Variants in UGT2B10 observed in about 807,000 individuals in gnomAD.
UGT2B10 encodes the protein UDP-glucuronosyltransferase 2B10.
In UGT2B10, 51 loss-of-function variants were observed where a neutral mutation model predicts 43.7. That is an observed-to-expected ratio of 1.17 (90% confidence interval 0.93 to 1.47). UGT2B10 has a LOEUF of 1.47. Ranked by LOEUF, UGT2B10 falls within the 40% of genes most tolerant of loss-of-function variation. UGT2B10 has a pLI of 0.00. For synonymous variants in UGT2B10, 225 were observed against 209.0 expected (o/e 1.08, Z -0.66); for missense variants, 696 against 617.7 (o/e 1.13, Z -1.34).
At chr4:68,825,474 A>G (rs1354491509) in intron 3 of UGT2B10, among the ~76,000 whole-genome samples, 1 of 151,916 alleles carries the variant, frequency 6.6e-6, no homozygotes, top group East Asian at 1.9e-4. Context: ...ATTTTTCCTG[A>G]TCCTCTCTTT....
chr4:68,827,576 T>A, intron 5 of UGT2B10, 28 bp downstream of exon 5: 1 of 1,612,566 alleles, frequency 6.2e-7, no homozygotes, highest in Non-Finnish European at 8.5e-7. Flanking sequence ...TTTCACTAGA[T>A]GGTATTAATA....
rs529540497 is a variant in UGT2B10 at position 68,830,911 on chromosome 4, A to G, written c.*32A>G. The stretch of plus-strand genomic sequence containing the variant: ...CTGAGATTTGAAGCTGGAAAACCTG[A>G]TAGATAGGAATACTTCAGTTGATTC... On this transcript the variant is annotated 3_prime_UTR_variant, in exon 6 of 6. Coordinates refer to ENST00000265403, the MANE Select transcript of UGT2B10 (RefSeq NM_001075.6). 32 of 1,600,496 alleles carry G rather than the reference A, an allele frequency of 2.0e-5. No individual in the cohort carries two copies. In the South Asian group the frequency reaches 3.5e-4, roughly 17 times the overall value.
At chr4:68,822,744 C>T (rs1737573838) in intron 3 of UGT2B10, among the ~76,000 whole-genome samples, 1 of 152,092 alleles carries the variant, frequency 6.6e-6, no homozygotes, top group African/African-American at 2.4e-5. Flanking sequence ...GAATTTAACT[C>T]AATATATTTC....
chr4:68,829,418 A>G (rs987429188), intron 5 of UGT2B10, among the ~76,000 whole-genome samples: 5 of 152,084 alleles, frequency 3.3e-5, no homozygotes, highest in African/African-American at 1.2e-4. Context: ...TTTTTGCCTC[A>G]AGATAATGTT....
chr4:68,819,447 T>C (rs1401724611), intron 2 of UGT2B10, among the ~76,000 whole-genome samples: 1 of 152,016 alleles, frequency 6.6e-6, no homozygotes, highest in Non-Finnish European at 1.5e-5. Context: ...TCTTCACCAG[T>C]ATTCCAGCTT....
chr4:68,827,211 A>C, intron 4 of UGT2B10, 118 bp from the exon 5 acceptor site: 1 of 1,524,128 alleles, frequency 6.6e-7, no homozygotes, highest in Non-Finnish European at 8.9e-7. Flanking sequence ...GAAATCTGAA[A>C]AGTAATAGCA....
At chr4:68,819,709 C>A (rs1224437140) in intron 2 of UGT2B10, among the ~76,000 whole-genome samples, 1 of 151,890 alleles carries the variant, frequency 6.6e-6, no homozygotes, top group Non-Finnish European at 1.5e-5. Context: ...ATGAACAATG[C>A]ATGTATAATA....
chr4:68,816,530 C>G lies in UGT2B10; in HGVS notation c.511C>G (p.His171Asp). 1.9e-6 allele frequency: 3 copies of G among 1,613,168 alleles called. No individual in the cohort carries two copies. The South Asian group carries it at 3.3e-5, about 18-fold the overall frequency. Residue 171 changes from histidine (H) to aspartate (D), a missense_variant, in exon 1 of 6, where the codon CAC becomes GAC. By Grantham distance (81) the His-to-Asp change is moderately conservative. Transcript: ENST00000265403. The part of the protein sequence containing the change: ...ELFNIPFVYS[H>D]SFSPGYSFER... Reference sequence around the variant, plus strand: ...ATTTAACATACCCTTTGTGTACAGTCACAGCTTCAGTCCTGGCTACTCATT... The same window carrying G: ...ATTTAACATACCCTTTGTGTACAGTGACAGCTTCAGTCCTGGCTACTCATT...
rs1201188777 is a variant in UGT2B10 at position 68,830,686 on chromosome 4, T to C, written c.1394T>C (p.Phe465Ser). The C allele has an allele frequency of 1.2e-5, 19 of 1,613,268 alleles. No individual in the cohort carries two copies. Among genetic ancestry groups the C allele is most frequent in the Middle Eastern group, 1.6e-4 (1 of 6,070 alleles). ...GATCGAGCAGTCTTCTGGATTGAAT[T>C]TGTCATGCGCCACAAAGGAGCCAAA... ...PLDRAVFWIEFVMRHKGAKHL... is the reference protein window; with the variant it reads ...PLDRAVFWIESVMRHKGAKHL... The change falls in exon 6 of 6, where the codon TTT (phenylalanine) becomes TCT (serine). Residue 465 changes from phenylalanine to serine, a missense_variant. By Grantham distance (155) the Phe-to-Ser change is radical. Transcript: ENST00000265403.
At chr4:68,827,142 G>T (rs888710501) in intron 4 of UGT2B10, among the ~76,000 whole-genome samples, 187 bp from the exon 5 acceptor site, 1 of 151,570 alleles carries the variant, frequency 6.6e-6, no homozygotes, top group Admixed American at 6.6e-5. Flanking sequence ...GCAGTCTGAA[G>T]TCACACCACC....
intron 2 of UGT2B10, among the ~76,000 whole-genome samples, chr4:68,819,763 A>G (rs1737400631): frequency 6.6e-6 from 1 of 152,000 alleles, no homozygotes; most frequent in Non-Finnish European, 1.5e-5. Context: ...TAGTGCCCTT[A>G]ATTTCAATAC....
chr4:68,818,095 A>G lies in UGT2B10; in HGVS notation c.785A>G (p.Asn262Ser), dbSNP rs1737307219. Residue 262 changes from asparagine to serine, a missense_variant, in exon 2 of 6, where the codon AAT becomes AGT. Coordinates refer to ENST00000265403, the MANE Select transcript of UGT2B10 (RefSeq NM_001075.6). Reference protein sequence around the residue: ...ADIWLMRNSWNFKFPHPFLPN... With the variant: ...ADIWLMRNSWSFKFPHPFLPN... Reference sequence around the variant, plus strand: ...ATATGGCTTATGCGAAACTCCTGGAATTTTAAATTTCCTCATCCATTCTTA... The same window carrying G: ...ATATGGCTTATGCGAAACTCCTGGAGTTTTAAATTTCCTCATCCATTCTTA... 6.2e-7 allele frequency: 1 copy of G among 1,612,008 alleles called. No individual in the cohort carries two copies. The highest frequency in any genetic ancestry group is 8.5e-7 in the Non-Finnish European group (1 of 1,178,630).
At position 68,819,746 on chromosome 4, in the gene UGT2B10, T is replaced by G. The variant is rs1489220393; in HGVS notation, c.867+1569T>G. Among the ~76,000 whole-genome samples the G allele has an allele frequency of 3.3e-5, 5 of 152,110 alleles. No homozygotes were observed. In the East Asian group the frequency reaches 5.8e-4, roughly 18 times the overall value. On this transcript the variant is annotated intron_variant, in intron 2 of 5. Coordinates refer to ENST00000265403, the MANE Select transcript of UGT2B10 (RefSeq NM_001075.6). ...AGACCAAATAATTTCTGCCACTTGT[T>G]TCTGAATAGTGCCCTTAATTTCAAT...
Position 68,816,169 on chromosome 4 carries a change from T to C in UGT2B10, c.150T>C (p.His50=). ...TGAAAGAACTTGTTCAGAGAGGTCA[T>C]GAGGTGACTGTACTGGCATCTTCAG... ...TILKELVQRG[H]EVTVLASSAS... is the part of the protein sequence containing the mutation. Residue 50 remains histidine (H), a synonymous_variant, in exon 1 of 6, where the codon CAT becomes CAC. Coordinates refer to ENST00000265403, the MANE Select transcript of UGT2B10 (RefSeq NM_001075.6). 1.2e-6 allele frequency: 2 copies of C among 1,613,394 alleles called. No individual in the cohort carries two copies. Among genetic ancestry groups the C allele is most frequent in the Non-Finnish European group, 1.7e-6 (2 of 1,179,506 alleles).
In UGT2B10 at chr4:68,822,269, A is replaced by T. The variant is rs2942857; in HGVS notation, c.868-2A>T. On this transcript the variant is annotated splice_acceptor_variant, in intron 2 of 5. Transcript: ENST00000265403. LOFTEE classifies it high-confidence loss of function. ...ATGAAACATTTTTTCTTTTTCCCACAGGAAATGGAGGAGTTTGTACAGAGC... is the reference window on the plus strand; with the variant it reads ...ATGAAACATTTTTTCTTTTTCCCACTGGAAATGGAGGAGTTTGTACAGAGC... 1 of 1,608,486 alleles carries T rather than the reference A, an allele frequency of 6.2e-7. No homozygotes were observed. Among genetic ancestry groups the T allele is most frequent in the African/African-American group, 1.3e-5 (1 of 74,402 alleles).
chr4:68,817,722 GA>G (rs1360659627), intron 1 of UGT2B10, among the ~76,000 whole-genome samples: 1 of 151,674 alleles, frequency 6.6e-6, no homozygotes. Flanking sequence ...AAGCTTTAAA[GA>G]GAAAATAAAT....
Position 68,831,569 on chromosome 4 carries a change from G to C in UGT2B10, c.*690G>C, listed in dbSNP as rs1393122099. Among the ~76,000 whole-genome samples, 4 of 152,016 alleles carry C rather than the reference G, an allele frequency of 2.6e-5. No homozygotes were observed. The highest frequency in any genetic ancestry group is 9.7e-5 in the African/African-American group (4 of 41,432). ...TTGTTTGATTACATAAAATAAAGTG[G>C]AAATGAATGATTGACTGAACAGCCC... On this transcript the variant is annotated 3_prime_UTR_variant, in exon 6 of 6. Transcript: ENST00000265403.
chr4:68,823,110 A>T (rs551567803), intron 3 of UGT2B10, among the ~76,000 whole-genome samples: 61 of 152,226 alleles, frequency 4.0e-4, no homozygotes, highest in East Asian at 5.8e-4. Context: ...TTTAAGGATC[A>T]GTGGTAGTAT....
intron 2 of UGT2B10, among the ~76,000 whole-genome samples, chr4:68,821,746 G>A (rs1301376189): frequency 1.3e-5 from 2 of 152,148 alleles, no homozygotes; most frequent in Non-Finnish European, 2.9e-5. Flanking sequence ...TAACGTAAAT[G>A]TAGATATAAA....
Sources: gnomAD v4.1 joint callset for allele counts (sites outside exome capture counted in the v4.1 genomes callset) on GRCh38, gnomAD v4.1.1 for gene constraint, MANE v1.5 for transcripts, NCBI Gene and HGNC (gene_info 2026-07-23, HGNC 2026-07-21) for gene names.